The following MFSD12 variants were observed in gnomAD, a reference collection of about 807,000 sequenced individuals.
MFSD12 encodes the protein major facilitator superfamily domain-containing protein 12.
Under a neutral mutation model 51.2 loss-of-function variants are expected in MFSD12, and 67 were observed. The observed-to-expected ratio is 1.31, with a 90% CI of 1.08 to 1.60. The LOEUF (loss-of-function observed/expected upper bound fraction) is 1.60, where lower values mean the gene tolerates loss of function less well. Among genes scored for constraint, MFSD12 ranks in the 40% most tolerant of loss-of-function variants. The pLI, the probability that MFSD12 is intolerant of heterozygous loss-of-function variation, is 0.00. For synonymous variants in MFSD12, 441 were observed against 316.7 expected, an observed-to-expected ratio of 1.39 and a Z score of -4.17; for missense variants, 921 against 673.0, an observed-to-expected ratio of 1.37 and a Z score of -4.08.
intron 2 of MFSD12, among the ~76,000 whole-genome samples, chr19:3,548,827 C>G (rs180921631): frequency 6.6e-6 from 1 of 152,212 alleles, no homozygotes; most frequent in Non-Finnish European, 1.5e-5. Flanking sequence ...GGTCTGGCCC[C>G]GGTCAGATGG....
chr19:3,543,361 G>C, downstream of MFSD12: 2 of 1,549,376 alleles, frequency 1.3e-6, no homozygotes, highest in East Asian at 2.4e-5. Flanking sequence ...TGACCAACTC[G>C]GACGCCTGGG....
downstream of MFSD12, chr19:3,543,619 C>T: frequency 1.9e-6 from 3 of 1,544,730 alleles, no homozygotes; most frequent in South Asian, 1.2e-5. Flanking sequence ...AGTACCAGGC[C>T]CCCAGCACCC....
chr19:3,540,747 C>T (rs982964298), downstream of MFSD12, among the ~76,000 whole-genome samples: 9 of 151,634 alleles, frequency 5.9e-5, no homozygotes, highest in East Asian at 2.0e-4. Context: ...GGAATGGTGG[C>T]TCATGCCTGT....
At chr19:3,544,049 A>C (rs975592193), downstream of MFSD12, 3 of 1,494,690 alleles carry the variant, frequency 2.0e-6, no homozygotes, top group Admixed American at 4.3e-5. Flanking sequence ...CTCTGCACCC[A>C]GATGAGGGGG....
chr19:3,541,901 C>T (rs1204926399), downstream of MFSD12: 17 of 679,582 alleles, frequency 2.5e-5, no homozygotes, highest in East Asian at 1.3e-4. Flanking sequence ...CTCCGCCTCC[C>T]GGGTTCAAGC....
chr19:3,545,546 G>A lies in MFSD12; in HGVS notation c.1289+528C>T, dbSNP rs758443756. On this transcript the variant is annotated intron_variant, in intron 8 of 9. Coordinates refer to ENST00000355415, the MANE Select transcript of MFSD12 (RefSeq NM_174983.5). ...GACATCCTGCAGGTGTCAGGGCCACGTCACCTCCTCCAAGAAGCCCTCCCT... is the reference window on the plus strand; with the variant it reads ...GACATCCTGCAGGTGTCAGGGCCACATCACCTCCTCCAAGAAGCCCTCCCT... 2.0e-4 allele frequency among the ~76,000 whole-genome samples: 30 copies of A among 152,336 alleles called. No homozygotes were observed. The East Asian group carries it at 2.1e-3, about 11-fold the overall frequency.
Position 3,548,021 on chromosome 19 carries a change from G to A in MFSD12, c.664C>T (p.Leu222=), listed in dbSNP as rs770246575. 4 of 1,599,724 alleles carry A rather than the reference G, an allele frequency of 2.5e-6. No individual in the cohort carries two copies. Among genetic ancestry groups the A allele is most frequent in the South Asian group, 1.1e-5 (1 of 91,044 alleles). ...QDVPVFRNLS[L]LVVGVGAVFS... Reference sequence around the variant, plus strand: ...ACGGCGCCGACACCCACCACCAGCAGGGACAGGTTCTGGGGATGCAGCAGA... The same window carrying A: ...ACGGCGCCGACACCCACCACCAGCAAGGACAGGTTCTGGGGATGCAGCAGA... Residue 222 remains leucine, a synonymous_variant, in exon 4 of 10, where the codon CTG becomes TTG. Coordinates refer to ENST00000355415, the MANE Select transcript of MFSD12 (RefSeq NM_174983.5).
chr19:3,557,299 G>T lies in MFSD12; in HGVS notation c.105C>A (p.Cys35Ter). The change falls in exon 1 of 10, where the codon TGC (cysteine) becomes TGA (stop). Residue 35 changes from cysteine to a stop codon, truncating the protein, a stop_gained. Transcript: ENST00000355415. LOFTEE classifies it high-confidence loss of function. The stretch of plus-strand genomic sequence containing the variant: ...GCAGGTAGGTGAACCACATGGACGC[G>T]CACAGGTCGTTGAGGAAGTGGCCCA... ...YAVGHFLNDL[C>*]ASMWFTYLLL... The T allele has an allele frequency of 1.3e-6, 2 of 1,593,166 alleles. No homozygotes were observed. The highest frequency in any genetic ancestry group is 1.7e-6 in the Non-Finnish European group (2 of 1,171,488).
chr19:3,544,820 C>T lies in MFSD12; in HGVS notation c.1409G>A (p.Arg470His), dbSNP rs371394283. ...GGGCCAGGACTCACAGCGTCGCAGG[C>T]GGGTCGGCCACAGCAGGAGGCTACA... is the stretch of plus-strand genomic sequence containing the variant. The part of the protein sequence containing the change: ...CLCSLLLWPT[R>H]LRRWDRDARP Residue 470 changes from arginine to histidine, a missense_variant, in exon 9 of 10, where the codon CGC becomes CAC. Coordinates refer to ENST00000355415, the MANE Select transcript of MFSD12 (RefSeq NM_174983.5). The T allele has an allele frequency of 8.7e-5, 140 of 1,612,076 alleles. No homozygotes were observed. The highest frequency in any genetic ancestry group is 1.7e-4 in the Middle Eastern group (1 of 6,036).
intron 8 of MFSD12, among the ~76,000 whole-genome samples, chr19:3,545,363 C>G (rs771031816): frequency 3.3e-5 from 5 of 152,178 alleles, no homozygotes; most frequent in Non-Finnish European, 7.3e-5. Context: ...CTAAGTCCTC[C>G]CCATGGCCCA....
At chr19:3,543,939 T>C (rs1181227819), downstream of MFSD12, 4 of 1,549,344 alleles carry the variant, frequency 2.6e-6, no homozygotes, top group Admixed American at 5.9e-5. Context: ...CTACCGGGAG[T>C]GGGTCCTGGA....
At chr19:3,543,910 C>A, downstream of MFSD12, 1 of 1,551,136 alleles carries the variant, frequency 6.4e-7, no homozygotes. Flanking sequence ...CCCCAGCGCC[C>A]GCCCGGCACC....
At chr19:3,540,833 C>A (rs1052275581), downstream of MFSD12, among the ~76,000 whole-genome samples, 3 of 136,738 alleles carry the variant, frequency 2.2e-5, no homozygotes, top group African/African-American at 8.4e-5. Flanking sequence ...GAGCCGAGAT[C>A]GTGCCACTGG....
At chr19:3,540,447 G>T (rs574740929), downstream of MFSD12, among the ~76,000 whole-genome samples, 2 of 151,316 alleles carry the variant, frequency 1.3e-5, no homozygotes, top group Admixed American at 1.3e-4. Context: ...TAGTAGAGAC[G>T]GGGTTTCACC....
At chr19:3,543,801 C>T, downstream of MFSD12, 3 of 1,502,372 alleles carry the variant, frequency 2.0e-6, no homozygotes, top group Non-Finnish European at 2.7e-6. Context: ...GAGGTGGGGG[C>T]ACATGGTGAC....
downstream of MFSD12, among the ~76,000 whole-genome samples, chr19:3,540,916 A>G (rs2030344401): frequency 6.8e-6 from 1 of 147,498 alleles, no homozygotes; most frequent in African/African-American, 2.4e-5. Flanking sequence ...CACGCCTGTA[A>G]TCCCCACATT....
chr19:3,550,931 T>C (rs1190656284), intron 2 of MFSD12, 53 bp downstream of exon 2: 9 of 1,500,242 alleles, frequency 6.0e-6, no homozygotes, highest in East Asian at 2.3e-5. Flanking sequence ...CACTGACTGA[T>C]ACACCGAGCC....
At chr19:3,539,165 G>GA in intron 4 of MFSD12, 1 of 1,544,716 alleles carries the variant, frequency 6.5e-7, no homozygotes, top group Non-Finnish European at 8.8e-7. Flanking sequence ...GAGCCCGGGG[G>GA]ATCCAGGCAG....
rs149599992 is a variant in MFSD12, at chr19:3,552,686, C to T, written c.299-1492G>A. On this transcript the variant is annotated intron_variant, in intron 1 of 9. Transcript: ENST00000355415. Reference sequence around the variant, plus strand: ...TTTTGGTAGGGATGGGGTTTCACCACGTTGGCCAGGCTGAAGTCGAACTCC... The same window carrying T: ...TTTTGGTAGGGATGGGGTTTCACCATGTTGGCCAGGCTGAAGTCGAACTCC... 1.4e-3 allele frequency among the ~76,000 whole-genome samples: 209 copies of T among 152,080 alleles called. 1 individual carries two copies. The highest frequency in any genetic ancestry group is 4.8e-3 in the African/African-American group (198 of 41,488).
Sources: allele counts gnomAD v4.1 joint callset (sites outside exome capture counted in the v4.1 genomes callset), GRCh38; gene constraint gnomAD v4.1.1; transcripts MANE v1.5; gene names NCBI Gene and HGNC (gene_info 2026-07-23, HGNC 2026-07-21).